IL1RAP: variants seen among roughly 807,000 people sequenced by gnomAD.
The protein encoded by IL1RAP is interleukin 1 receptor accessory protein, also known as interleukin-1 receptor accessory protein.
Under a neutral mutation model 60.7 loss-of-function variants are expected in IL1RAP, and 35 were observed. The ratio of observed to expected loss-of-function variants is 0.58; its 90% CI spans 0.44 to 0.76. The LOEUF is 0.76. Ranked by LOEUF, IL1RAP falls within the 30% of genes least tolerant of loss-of-function variation. The pLI is 0.00. For missense variants in IL1RAP, 572 were observed against 693.9 expected (o/e 0.82, Z 1.97); for synonymous variants, 268 against 250.9 (o/e 1.07, Z -0.64).
At chr3:190,537,930 C>T (rs546109436) in intron 1 of IL1RAP, among the ~76,000 whole-genome samples, 11 of 152,142 alleles carry the variant, frequency 7.2e-5, no homozygotes, top group African/African-American at 2.7e-4. Context: ...CTCTAAATAT[C>T]TCATGTACTT....
intron 1 of IL1RAP, among the ~76,000 whole-genome samples, chr3:190,517,077 A>G (rs9990300): frequency 0.37 from 56,998 of 152,114 alleles, 12,144 homozygotes; most frequent in African/African-American, 0.58. Context: ...GTTGAAAAGC[A>G]GGTATTTTCT....
intron 5 of IL1RAP, among the ~76,000 whole-genome samples, chr3:190,618,080 G>A (rs1446986064): frequency 6.6e-6 from 1 of 152,180 alleles, no homozygotes; most frequent in Non-Finnish European, 1.5e-5. Flanking sequence ...AAGTGATAGA[G>A]CCACATCACG....
rs960247978 is a variant in IL1RAP, at chr3:190,649,815, G to T, written c.*1110G>T. 1 of 985,168 alleles carries T rather than the reference G, an allele frequency of 1.0e-6. No individual in the cohort carries two copies. Among genetic ancestry groups the T allele is most frequent in the Admixed American group, 6.2e-5 (1 of 16,260 alleles). 61.0% of individuals were successfully genotyped at this position (985,168 alleles called of 1,614,324 possible). A position where few individuals can be genotyped will look rare whatever the true frequency, so the allele number is the denominator to read the frequency against. ...ACTTGCTCCAAATAAGTCAGTATGA[G>T]AAGTCACTGTCAATGAAAGTTGTTT... is the stretch of plus-strand genomic sequence containing the variant. On this transcript the variant is annotated 3_prime_UTR_variant, in exon 12 of 12. Transcript: ENST00000447382.
intron 1 of IL1RAP, among the ~76,000 whole-genome samples, chr3:190,553,889 G>C (rs7640725): frequency 6.6e-6 from 1 of 150,490 alleles, no homozygotes; most frequent in Admixed American, 6.6e-5. Context: ...GTGAAACCCC[G>C]CCTCTACTAA....
At chr3:190,657,107 G>A (rs1265882054) in exon 12 of IL1RAP, 1 of 152,510 alleles carries the variant, frequency 6.6e-6, no homozygotes, top group Non-Finnish European at 1.5e-5. Flanking sequence ...TACCCACCCA[G>A]GGATACATGG....
At chr3:190,582,954 C>T (rs2108683214) in intron 3 of IL1RAP, among the ~76,000 whole-genome samples, 1 of 152,222 alleles carries the variant, frequency 6.6e-6, no homozygotes, top group African/African-American at 2.4e-5. Context: ...TAAGTTCTTC[C>T]TTCACACACT....
chr3:190,639,627 C>T (rs1007615320), intron 9 of IL1RAP, among the ~76,000 whole-genome samples: 33 of 152,116 alleles, frequency 2.2e-4, no homozygotes, highest in Middle Eastern at 3.4e-3. Context: ...TTTTTATTAG[C>T]TAATATAGAC....
intron 4 of IL1RAP, among the ~76,000 whole-genome samples, chr3:190,606,206 A>T (rs2108756914): frequency 6.6e-6 from 1 of 152,266 alleles, no homozygotes; most frequent in African/African-American, 2.4e-5. Flanking sequence ...TGAAATACTC[A>T]TGTTGTCATT....
chr3:190,626,229 A>G (rs1441842907), intron 7 of IL1RAP, among the ~76,000 whole-genome samples: 1 of 152,210 alleles, frequency 6.6e-6, no homozygotes. Context: ...CTTAAGCTTC[A>G]CCTTTTACAT....
intron 3 of IL1RAP, among the ~76,000 whole-genome samples, chr3:190,568,032 A>G (rs1328682286): frequency 1.3e-5 from 2 of 152,196 alleles, no homozygotes; most frequent in Non-Finnish European, 2.9e-5. Context: ...TAATAAAAAT[A>G]GCACCATATA....
intron 10 of IL1RAP, among the ~76,000 whole-genome samples, chr3:190,645,373 G>A (rs1420208508): frequency 6.6e-6 from 1 of 152,162 alleles, no homozygotes; most frequent in East Asian, 1.9e-4. Context: ...GGCTTGGACA[G>A]GAAGTTGAAA....
chr3:190,652,985 G>A (rs1380960777), downstream of IL1RAP, among the ~76,000 whole-genome samples: 1 of 152,122 alleles, frequency 6.6e-6, no homozygotes, highest in African/African-American at 2.4e-5. Flanking sequence ...ACACAGTATG[G>A]TATGAGAGAC....
chr3:190,639,606 G>GATTAGCTATCTTTTT (rs567560640), intron 9 of IL1RAP, among the ~76,000 whole-genome samples: 302 of 152,024 alleles, frequency 2.0e-3, no homozygotes, highest in African/African-American at 6.6e-3. Context: ...GTTCTGTTTT[G>GATTAGCTATCTTTTT]ATTAGCTATC....
Position 190,648,338 on chromosome 3 carries a change from T to C in IL1RAP, c.1346T>C (p.Ile449Thr). 1.3e-6 allele frequency: 2 copies of C among 1,574,350 alleles called. No individual in the cohort carries two copies. Among genetic ancestry groups the C allele is most frequent in the Non-Finnish European group, 1.7e-6 (2 of 1,167,214 alleles). Reference protein sequence around the residue: ...IFDRDSLPGGIVTDETLSFIQ... With the variant: ...IFDRDSLPGGTVTDETLSFIQ... ...TCCCCATGGTTGTTTTCTTTCCCAG[T>C]TGTCACAGATGAGACTTTGAGCTTC... Residue 449 changes from isoleucine (I) to threonine (T), a missense_variant and splice_region_variant, in exon 12 of 12, where the codon ATT (isoleucine) becomes ACT (threonine). By Grantham distance (89) the Ile-to-Thr change is moderately conservative (BLOSUM62 -1). Coordinates refer to ENST00000447382, the MANE Select transcript of IL1RAP (RefSeq NM_002182.4).
chr3:190,588,901 A>C (rs1026357980), intron 3 of IL1RAP, among the ~76,000 whole-genome samples: 1 of 152,216 alleles, frequency 6.6e-6, no homozygotes, highest in South Asian at 2.1e-4. Context: ...AAAGATTGAT[A>C]TAAGTCCAGT....
intron 1 of IL1RAP, among the ~76,000 whole-genome samples, chr3:190,516,696 ATT>A (rs781485540): frequency 7.3e-5 from 11 of 151,586 alleles, no homozygotes; most frequent in Non-Finnish European, 1.5e-4. Flanking sequence ...TTATTTAATC[ATT>A]TGAAGTTTCT....
At chr3:190,605,467 C>A (rs3773949) in intron 4 of IL1RAP, among the ~76,000 whole-genome samples, 2 of 151,956 alleles carry the variant, frequency 1.3e-5, no homozygotes, top group Admixed American at 6.5e-5. Flanking sequence ...GCCAGGCTTG[C>A]CTTTGTTTTC....
intron 1 of IL1RAP, among the ~76,000 whole-genome samples, chr3:190,523,930 G>A (rs1230869283): frequency 6.6e-6 from 1 of 152,152 alleles, no homozygotes; most frequent in African/African-American, 2.4e-5. Context: ...GTAGGTCTTT[G>A]AGGAATTGCC....
At chr3:190,593,369 G>C (rs62288216) in intron 3 of IL1RAP, among the ~76,000 whole-genome samples, 6,254 of 152,202 alleles carry the variant, frequency 0.041, 189 homozygotes, top group Non-Finnish European at 0.053. Context: ...TGATGACTTA[G>C]TCAGTGAATG....
Sources: gnomAD v4.1 joint callset for allele counts (sites outside exome capture counted in the v4.1 genomes callset) on GRCh38, gnomAD v4.1.1 for gene constraint, MANE v1.5 for transcripts, NCBI Gene and HGNC (gene_info 2026-07-23, HGNC 2026-07-21) for gene names.